The following CRTC1 variants were observed in gnomAD, a reference collection of about 807,000 sequenced individuals.
The protein encoded by CRTC1 is CREB regulated transcription coactivator 1, also known as CREB-regulated transcription coactivator 1.
Under a neutral mutation model 66.1 loss-of-function variants are expected in CRTC1, and 18 were observed. That is an observed-to-expected ratio of 0.27 (90% CI 0.19 to 0.40). CRTC1 has a LOEUF of 0.40. CRTC1 is among the 10% of genes least tolerant of loss of function. The pLI is 1.00. For synonymous variants in CRTC1, 416 were observed against 398.8 expected (o/e 1.04, Z -0.51); for missense variants, 669 against 887.9 (o/e 0.75, Z 3.13).
rs143606807 is a variant in CRTC1 at position 18,736,902 on chromosome 19, C to T, written c.127-6008C>T. ...CTGGGCCTGACCAAGGCTGGCCGGT[C>T]TGCAGAGCGAGCCCCAGGAAGGGCT... On this transcript the variant is annotated intron_variant, in intron 1 of 13. Transcript: ENST00000321949. 8.1e-3 allele frequency among the ~76,000 whole-genome samples: 1,230 copies of T among 152,298 alleles called. 14 individuals carry two copies. The highest frequency in any genetic ancestry group is 0.026 in the African/African-American group (1,084 of 41,548).
At position 18,745,443 on chromosome 19, in the gene CRTC1, G is replaced by C. The variant is rs564500598; in HGVS notation, c.244-380G>C. On this transcript the variant is annotated intron_variant, in intron 2 of 13. Coordinates refer to ENST00000321949, the MANE Select transcript of CRTC1 (RefSeq NM_015321.3). ...GGGGGTAGGAGGCCGTCCAGGCCCG[G>C]AGAGAGAGGGCGGAGGCCTGTCTGC... is the stretch of plus-strand genomic sequence containing the variant. 3.3e-5 allele frequency among the ~76,000 whole-genome samples: 5 copies of C among 152,328 alleles called. No individual in the cohort carries two copies. The South Asian group carries it at 1.0e-3, about 32-fold the overall frequency.
chr19:18,744,284 G>A (rs2054180512), intron 2 of CRTC1: 3 of 827,984 alleles, frequency 3.6e-6, no homozygotes, highest in Admixed American at 2.9e-5. Flanking sequence ...GGGAGGTGGA[G>A]GTGTCCCGTC....
At chr19:18,775,049 G>T (rs945781730) in intron 12 of CRTC1, 63 bp downstream of exon 12, 1 of 1,508,982 alleles carries the variant, frequency 6.6e-7, no homozygotes, top group Non-Finnish European at 9.1e-7. Context: ...TGGGACCCTC[G>T]CTGGGACCCG....
In CRTC1 at chr19:18,778,955, A is replaced by C. The variant is rs2055051481; in HGVS notation, c.*1573A>C. 4.3e-6 allele frequency: 1 copy of C among 231,416 alleles called. No individual in the cohort carries two copies. Among genetic ancestry groups the C allele is most frequent in the South Asian group, 1.8e-4 (1 of 5,520 alleles). The allele number at this position is 231,416 out of a possible 1,614,324, so 14.3% of individuals were successfully genotyped here. ...GGAGACACACAGCAGTGTGTGTTTTAGTGGCAGGTTTCAGGAGCACCTCTA... is the reference window on the plus strand; with the variant it reads ...GGAGACACACAGCAGTGTGTGTTTTCGTGGCAGGTTTCAGGAGCACCTCTA... On this transcript the variant is annotated 3_prime_UTR_variant, in exon 14 of 14. Transcript: ENST00000321949.
At chr19:18,725,298 A>G (rs2053723973) in intron 1 of CRTC1, among the ~76,000 whole-genome samples, 1 of 151,660 alleles carries the variant, frequency 6.6e-6, no homozygotes, top group Admixed American at 6.6e-5. Flanking sequence ...TGAGGCCAGC[A>G]CCCCTTAGGT....
intron 1 of CRTC1, among the ~76,000 whole-genome samples, chr19:18,732,834 T>C (rs112896062): frequency 5.0e-4 from 76 of 152,234 alleles, no homozygotes; most frequent in African/African-American, 1.7e-3. Context: ...CTCACACCTG[T>C]AATTCCAGCA....
chr19:18,771,325 G>A lies in CRTC1; in HGVS notation c.1321-117G>A. 1.3e-6 allele frequency: 1 copy of A among 790,620 alleles called. No individual in the cohort carries two copies. Among genetic ancestry groups the A allele is most frequent in the Non-Finnish European group, 2.0e-6 (1 of 500,822 alleles). The allele number at this position is 790,620 out of a possible 1,614,324, so 49.0% of individuals were successfully genotyped here. On this transcript the variant is annotated intron_variant, in intron 10 of 13. Transcript: ENST00000321949. This position sits in a 1 kb window ranked among gnomAD's most constrained non-coding sequence, Gnocchi z 4.6. ...CCAGTGGGGTGGCGACCATCACCAA[G>A]GTGTGAGGGGCGGGGGGACCTGCCT... is the stretch of plus-strand genomic sequence containing the variant.
chr19:18,753,406 C>G, intron 5 of CRTC1, 94 bp from the exon 6 acceptor site: 1 of 875,712 alleles, frequency 1.1e-6, no homozygotes, highest in Middle Eastern at 2.3e-4. Context: ...ATGGCCATGA[C>G]TCCGTGTGTC....
chr19:18,733,357 C>A (rs958659721), intron 1 of CRTC1, among the ~76,000 whole-genome samples: 2 of 152,206 alleles, frequency 1.3e-5, no homozygotes, highest in African/African-American at 4.8e-5. Flanking sequence ...ACCCTTCACA[C>A]GTCCCAGCCG....
rs2055026597 is a variant in CRTC1 at position 18,777,748 on chromosome 19, C to T, written c.*366C>T. 1.4e-5 allele frequency: 5 copies of T among 346,498 alleles called. No homozygotes were observed. Among genetic ancestry groups the T allele is most frequent in the South Asian group, 6.9e-5 (2 of 28,992 alleles). 21.5% of individuals were successfully genotyped at this position (346,498 alleles called of 1,614,324 possible). A position where few individuals can be genotyped will look rare whatever the true frequency, so the allele number is the denominator to read the frequency against. On this transcript the variant is annotated 3_prime_UTR_variant, in exon 14 of 14. Coordinates refer to ENST00000321949, the MANE Select transcript of CRTC1 (RefSeq NM_015321.3). The surrounding 1 kb of genome is among the most constrained non-coding windows in gnomAD (Gnocchi z 5.5). ...GTGGCGGGCAGGCTCAGGGGAGGGG[C>T]GCGCATGGTCCGCCAGGGCTGTGGG...
In CRTC1 at chr19:18,728,829, T is replaced by C. The variant is rs537868424; in HGVS notation, c.127-14081T>C. Among the ~76,000 whole-genome samples the C allele has an allele frequency of 1.8e-4, 26 of 141,248 alleles. No individual in the cohort carries two copies. The South Asian group carries it at 5.4e-3, about 30-fold the overall frequency. The allele number at this position is 141,248 out of a possible 152,430, so 92.7% of individuals were successfully genotyped here. Reference sequence around the variant, plus strand: ...CCTCACCTGGCCTTTTTTTTTTTTTTTGAGACAGAGTCTTGCTCTGTCGCC... The same window carrying C: ...CCTCACCTGGCCTTTTTTTTTTTTTCTGAGACAGAGTCTTGCTCTGTCGCC... On this transcript the variant is annotated intron_variant, in intron 1 of 13. Coordinates refer to ENST00000321949, the MANE Select transcript of CRTC1 (RefSeq NM_015321.3).
In CRTC1 at chr19:18,768,236, G is replaced by C. The variant is rs1188841894; in HGVS notation, c.1012-249G>C. ...GCCTGAGCTGCACGGCATGTAGTGC[G>C]GGTGCAGGCACAACAAGCTGGAGGA... On this transcript the variant is annotated intron_variant, in intron 9 of 13. Transcript: ENST00000321949. This position sits in a 1 kb window ranked among gnomAD's most constrained non-coding sequence, Gnocchi z 5.6. 6.6e-6 allele frequency among the ~76,000 whole-genome samples: 1 copy of C among 152,170 alleles called. No individual in the cohort carries two copies. The highest frequency in any genetic ancestry group is 1.5e-5 in the Non-Finnish European group (1 of 68,020).
chr19:18,771,569 T>C lies in CRTC1; in HGVS notation c.1425+23T>C. 1 of 1,577,194 alleles carries C rather than the reference T, an allele frequency of 6.3e-7. No individual in the cohort carries two copies. The highest frequency in any genetic ancestry group is 8.7e-7 in the Non-Finnish European group (1 of 1,151,268). On this transcript the variant is annotated intron_variant, in intron 11 of 13. Coordinates refer to ENST00000321949, the MANE Select transcript of CRTC1 (RefSeq NM_015321.3). This position sits in a 1 kb window ranked among gnomAD's most constrained non-coding sequence, Gnocchi z 4.6. Reference sequence around the variant, plus strand: ...CAAGTAAGGGGCGCCGCCTCCCCCTTGGCCTGTGGGCTCCACGCTTGTCTT... The same window carrying C: ...CAAGTAAGGGGCGCCGCCTCCCCCTCGGCCTGTGGGCTCCACGCTTGTCTT...
chr19:18,706,415 A>G (rs1416255311), intron 1 of CRTC1, among the ~76,000 whole-genome samples: 1 of 151,726 alleles, frequency 6.6e-6, no homozygotes, highest in Non-Finnish European at 1.5e-5. Flanking sequence ...CATGTTGGCC[A>G]GGCTAGTCTT....
At chr19:18,752,725 C>T (rs1358107736) in intron 5 of CRTC1, among the ~76,000 whole-genome samples, 30 of 151,774 alleles carry the variant, frequency 2.0e-4, no homozygotes. Flanking sequence ...ACTGCAACCT[C>T]TGCCTCCCCG....
chr19:18,683,865 C>T (rs1286868929), intron 1 of CRTC1, 37 bp downstream of exon 1: 7 of 1,058,798 alleles, frequency 6.6e-6, no homozygotes, highest in Admixed American at 8.5e-5. Context: ...TCAGGGCCGG[C>T]GGAGGGAGGG....
In CRTC1 at chr19:18,720,525, G is replaced by GTTT. The variant is rs35827745; in HGVS notation, c.127-22365_127-22363dup. Among the ~76,000 whole-genome samples the GTTT allele has an allele frequency of 2.0e-3, 209 of 104,994 alleles. 1 individual carries two copies. The highest frequency in any genetic ancestry group is 5.9e-3 in the African/African-American group (166 of 28,332). The allele number at this position is 104,994 out of a possible 152,430, so 68.9% of individuals were successfully genotyped here. On this transcript the variant is annotated intron_variant, in intron 1 of 13. Transcript: ENST00000321949. ...CCACCACGCCCGGCTAATTTTTAGT[G>GTTT]TTTTTTTTTTTTTTTTTTTTTTAGC... is the stretch of plus-strand genomic sequence containing the variant.
At position 18,779,942 on chromosome 19, in the gene CRTC1, T is replaced by G. The variant is rs766124799; in HGVS notation, c.*2560T>G. On this transcript the variant is annotated 3_prime_UTR_variant, in exon 14 of 14. Coordinates refer to ENST00000321949, the MANE Select transcript of CRTC1 (RefSeq NM_015321.3). ...GAAGGATTCACGCCCCTCCTGGACCTGGGCGGGCCTCCCAGGGGGTCTGTA... is the reference window on the plus strand; with the variant it reads ...GAAGGATTCACGCCCCTCCTGGACCGGGGCGGGCCTCCCAGGGGGTCTGTA... The G allele has an allele frequency of 2.0e-4, 46 of 229,178 alleles. No individual in the cohort carries two copies. The highest frequency in any genetic ancestry group is 3.1e-4 in the Non-Finnish European group (36 of 115,532). 14.2% of individuals were successfully genotyped at this position (229,178 alleles called of 1,614,324 possible).
At chr19:18,692,054 C>T (rs1286251981) in intron 1 of CRTC1, among the ~76,000 whole-genome samples, 6 of 152,154 alleles carry the variant, frequency 3.9e-5, no homozygotes, top group Admixed American at 3.9e-4. Flanking sequence ...TACCCGAACA[C>T]TGAGCTCCTA....
Sources: gnomAD v4.1 joint callset for allele counts (sites outside exome capture counted in the v4.1 genomes callset) on GRCh38, gnomAD v4.1.1 for gene constraint, Gnocchi (gnomAD v3.1) non-coding constraint, MANE v1.5 for transcripts, NCBI Gene and HGNC (gene_info 2026-07-23, HGNC 2026-07-21) for gene names.